SRFBP1: variants seen among roughly 807,000 people sequenced by gnomAD.
The protein encoded by SRFBP1 is serum response factor binding protein 1.
In SRFBP1, 47 loss-of-function variants were observed where a neutral mutation model predicts 45.5. That is an observed-to-expected ratio of 1.03 (90% CI 0.82 to 1.32). The LOEUF is 1.32. Among genes scored for constraint, SRFBP1 ranks in the 40% most tolerant of loss-of-function variants. The pLI is 0.00. For synonymous variants in SRFBP1, 203 were observed against 166.3 expected (o/e 1.22, Z -1.70); for missense variants, 621 against 484.6 (o/e 1.28, Z -2.64).
intron 4 of SRFBP1, among the ~76,000 whole-genome samples, chr5:122,007,880 C>T (rs980102873): frequency 1.3e-5 from 2 of 152,146 alleles, no homozygotes; most frequent in African/African-American, 4.8e-5. Flanking sequence ...CAGGGGCAGA[C>T]TTAGTGCTGC....
chr5:121,971,437 A>G (rs1752194679), intron 1 of SRFBP1, among the ~76,000 whole-genome samples: 1 of 151,612 alleles, frequency 6.6e-6, no homozygotes, highest in South Asian at 2.1e-4. Flanking sequence ...GAAATATGAA[A>G]CCCCCCCTCC....
intron 4 of SRFBP1, among the ~76,000 whole-genome samples, chr5:122,000,438 T>A (rs1752839013): frequency 1.3e-5 from 2 of 152,130 alleles, no homozygotes; most frequent in African/African-American, 4.8e-5. Flanking sequence ...TGTATTTGTT[T>A]TTCCTGAAGA....
chr5:122,040,055 A>G (rs989243538), intron 2 of SRFBP1, among the ~76,000 whole-genome samples: 3 of 151,934 alleles, frequency 2.0e-5, no homozygotes, highest in Non-Finnish European at 2.9e-5. Context: ...TTTTCCCCCA[A>G]ATTTCCTTAG....
chr5:122,006,500 C>T (rs1021731138), intron 4 of SRFBP1, among the ~76,000 whole-genome samples: 9 of 152,028 alleles, frequency 5.9e-5, no homozygotes, highest in Non-Finnish European at 1.0e-4. Flanking sequence ...CTTTGTTTTT[C>T]TCTTCCCCTT....
At chr5:122,014,513 T>C (rs1372170441) in intron 4 of SRFBP1, among the ~76,000 whole-genome samples, 2 of 151,392 alleles carry the variant, frequency 1.3e-5, no homozygotes, top group African/African-American at 4.9e-5. Context: ...AAATAAGTGC[T>C]CCACAAAGAT....
intron 2 of SRFBP1, among the ~76,000 whole-genome samples, chr5:122,062,004 G>T (rs1754179008): frequency 6.6e-6 from 1 of 151,712 alleles, no homozygotes; most frequent in South Asian, 2.1e-4. Context: ...TTGTATACTA[G>T]GATAATAAGT....
rs894057601 is a variant in SRFBP1, at chr5:121,977,881, A to G, written c.198+2494A>G. Among the ~76,000 whole-genome samples, 5 of 152,322 alleles carry G rather than the reference A, an allele frequency of 3.3e-5. No individual in the cohort carries two copies. The East Asian group carries it at 9.6e-4, about 29-fold the overall frequency. ...ATAAAATCATAGGTTCTAATTTTAT[A>G]GACTATGGTGTATGAAACCCAAGTC... On this transcript the variant is annotated intron_variant, in intron 3 of 7. Coordinates refer to ENST00000339397, the MANE Select transcript of SRFBP1 (RefSeq NM_152546.3).
intron 2 of SRFBP1, chr5:122,070,342 A>T: frequency 1.5e-6 from 1 of 649,512 alleles, no homozygotes; most frequent in South Asian, 1.9e-5. Flanking sequence ...AGTTCTTTAA[A>T]ATAAGACAGA....
At chr5:122,058,090 C>T (rs922318615) in intron 2 of SRFBP1, among the ~76,000 whole-genome samples, 2 of 152,092 alleles carry the variant, frequency 1.3e-5, no homozygotes, top group African/African-American at 4.8e-5. Flanking sequence ...AAAATGATGT[C>T]CATTTAACCT....
intron 1 of SRFBP1, among the ~76,000 whole-genome samples, chr5:121,968,114 A>G (rs953858699): frequency 3.3e-5 from 5 of 151,922 alleles, no homozygotes; most frequent in African/African-American, 9.7e-5. Context: ...TTTAAACTGC[A>G]TATTGTTTTA....
In SRFBP1 at chr5:122,020,075, G is replaced by GT; in HGVS notation, c.353-10dup. ...TCAGTGCTAAAATGAGTGATGCACT[G>GT]TTTCTCTTGCAGCTGCTGTACAAGC... On this transcript the variant is annotated splice_polypyrimidine_tract_variant and intron_variant, in intron 5 of 7. Coordinates refer to ENST00000339397, the MANE Select transcript of SRFBP1 (RefSeq NM_152546.3). 4 of 1,517,756 alleles carry GT rather than the reference G, an allele frequency of 2.6e-6. No individual in the cohort carries two copies. The highest frequency in any genetic ancestry group is 3.5e-6 in the Non-Finnish European group (4 of 1,131,636). 94.0% of individuals were successfully genotyped at this position (1,517,756 alleles called of 1,614,324 possible).
At chr5:122,049,654 A>G (rs1255056104) in intron 2 of SRFBP1, among the ~76,000 whole-genome samples, 3 of 152,178 alleles carry the variant, frequency 2.0e-5, no homozygotes, top group African/African-American at 4.8e-5. Context: ...AATGTAAAAG[A>G]ACAGAAATTA....
At chr5:122,040,616 A>G (rs1408152864) in intron 2 of SRFBP1, among the ~76,000 whole-genome samples, 2 of 152,154 alleles carry the variant, frequency 1.3e-5, no homozygotes, top group Non-Finnish European at 2.9e-5. Flanking sequence ...CACATACACC[A>G]ACAAACAAGC....
chr5:121,987,755 A>T (rs1292154662), intron 3 of SRFBP1, among the ~76,000 whole-genome samples: 1 of 152,184 alleles, frequency 6.6e-6, no homozygotes, highest in Non-Finnish European at 1.5e-5. Context: ...CCTGACTCTG[A>T]TAAGATTCTC....
rs1488421489 is a variant in SRFBP1, at chr5:121,961,988, C to G, written c.-45C>G. 3 of 1,613,184 alleles carry G rather than the reference C, an allele frequency of 1.9e-6. No homozygotes were observed. Among genetic ancestry groups the G allele is most frequent in the East Asian group, 2.2e-5 (1 of 44,868 alleles). ...GGCGACGCAGCCGCGGTCTGAGAGA[C>G]CGGTTCACGTGCAGGCAGCGGCGGA... On this transcript the variant is annotated 5_prime_UTR_variant, in exon 1 of 8. Coordinates refer to ENST00000339397, the MANE Select transcript of SRFBP1 (RefSeq NM_152546.3).
chr5:122,008,900 G>A (rs2112693545), intron 4 of SRFBP1, among the ~76,000 whole-genome samples: 1 of 152,114 alleles, frequency 6.6e-6, no homozygotes, highest in African/African-American at 2.4e-5. Context: ...TTTTCTTATT[G>A]CTTATGAAAT....
chr5:122,022,439 G>T, intron 7 of SRFBP1, 32 bp downstream of exon 7: 1 of 1,584,362 alleles, frequency 6.3e-7, no homozygotes, highest in Non-Finnish European at 8.6e-7. Context: ...ACCTTCATAT[G>T]CAATTAAGCT....
intron 3 of SRFBP1, among the ~76,000 whole-genome samples, chr5:121,983,463 C>T (rs915485463): frequency 1.3e-5 from 2 of 151,810 alleles, no homozygotes; most frequent in East Asian, 1.9e-4. Context: ...TAATCACTTA[C>T]ATTAAACAAG....
chr5:122,020,063 G>T, intron 5 of SRFBP1, 25 bp from the exon 6 acceptor site: 1 of 1,437,788 alleles, frequency 7.0e-7, no homozygotes, highest in South Asian at 1.4e-5. Context: ...GTGCTAAAAT[G>T]AGTGATGCAC....
Sources: allele counts gnomAD v4.1 joint callset (sites outside exome capture counted in the v4.1 genomes callset), GRCh38; gene constraint gnomAD v4.1.1; transcripts MANE v1.5; gene names NCBI Gene and HGNC (gene_info 2026-07-23, HGNC 2026-07-21).